Variants in SH3PXD2B observed in about 807,000 individuals in gnomAD.
The protein encoded by SH3PXD2B is SH3 and PX domains 2B.
Under a neutral mutation model 73.1 loss-of-function variants are expected in SH3PXD2B, and 37 were observed. The observed-to-expected ratio is 0.51, with a 90% CI of 0.39 to 0.67. SH3PXD2B has a LOEUF of 0.67. Ranked by LOEUF, SH3PXD2B falls within the 30% of genes least tolerant of loss-of-function variation. The pLI, the probability that SH3PXD2B is intolerant of heterozygous loss-of-function variation, is 0.00. For synonymous variants in SH3PXD2B, 457 were observed against 480.5 expected (o/e 0.95, Z 0.64); for missense variants, 1,053 against 1,197.8 (o/e 0.88, Z 1.78).
In SH3PXD2B at chr5:172,353,851, A is replaced by G. The variant is rs750994115; in HGVS notation, c.785+37T>C. ...CCCAAACCCACCCAGCGTGACCCCA[A>G]ACCCACCCAGCAACCGTGGGGGGCA... On this transcript the variant is annotated intron_variant, in intron 9 of 12. Transcript: ENST00000311601. The surrounding 1 kb of genome is among the most constrained non-coding windows in gnomAD (Gnocchi z 4.3). 1 of 1,582,884 alleles carries G rather than the reference A, an allele frequency of 6.3e-7. No individual in the cohort carries two copies. The highest frequency in any genetic ancestry group is 2.2e-5 in the East Asian group (1 of 44,730).
chr5:172,380,619 C>T lies in SH3PXD2B; in HGVS notation c.401+1417G>A, dbSNP rs555059276. ...CTAAGAACAAAAACATTAGCCAGCA[C>T]GAGCGAAACACCCCAAATTATCAGA... On this transcript the variant is annotated intron_variant, in intron 5 of 12. Coordinates refer to ENST00000311601, the MANE Select transcript of SH3PXD2B (RefSeq NM_001017995.3). 6.6e-5 allele frequency among the ~76,000 whole-genome samples: 10 copies of T among 152,308 alleles called. No homozygotes were observed. In the South Asian group the frequency reaches 8.3e-4, roughly 13 times the overall value.
chr5:172,392,402 C>A (rs1758211126), intron 4 of SH3PXD2B, among the ~76,000 whole-genome samples: 1 of 152,140 alleles, frequency 6.6e-6, no homozygotes. Context: ...TGTAAGCCAA[C>A]CAGTTTGTGG....
At chr5:172,386,707 G>A (rs892966423) in intron 4 of SH3PXD2B, among the ~76,000 whole-genome samples, 7 of 152,200 alleles carry the variant, frequency 4.6e-5, no homozygotes, top group African/African-American at 1.7e-4. Flanking sequence ...TCAGCTCACT[G>A]CAGTCTCCAC....
rs1756710265 is a variant in SH3PXD2B, at chr5:172,336,929, T to C, written c.*1440A>G. On this transcript the variant is annotated 3_prime_UTR_variant, in exon 13 of 13. Transcript: ENST00000311601. Reference sequence around the variant, plus strand: ...CAGTGCGTGAAAAAAGAAAAAAACATTACAAATGCCGGAGAGGCACAGGAA... The same window carrying C: ...CAGTGCGTGAAAAAAGAAAAAAACACTACAAATGCCGGAGAGGCACAGGAA... 5 of 985,496 alleles carry C rather than the reference T, an allele frequency of 5.1e-6. No homozygotes were observed. The South Asian group carries it at 1.9e-4, about 37-fold the overall frequency. 61.0% of individuals were successfully genotyped at this position (985,496 alleles called of 1,614,324 possible).
intron 6 of SH3PXD2B, among the ~76,000 whole-genome samples, chr5:172,365,667 T>A (rs1757503262): frequency 6.6e-6 from 1 of 152,226 alleles, no homozygotes; most frequent in Admixed American, 6.5e-5. Context: ...ACGTGAGCAG[T>A]GGCCTGAGAG....
At chr5:172,392,323 A>G (rs184764989) in intron 4 of SH3PXD2B, among the ~76,000 whole-genome samples, 43 of 152,344 alleles carry the variant, frequency 2.8e-4, no homozygotes, top group Middle Eastern at 3.4e-3. Context: ...CTATAAACCA[A>G]TGAGAGAGGT....
At chr5:172,341,331 A>G (rs1756843853) in intron 12 of SH3PXD2B, among the ~76,000 whole-genome samples, 1 of 152,060 alleles carries the variant, frequency 6.6e-6, no homozygotes, top group African/African-American at 2.4e-5. Context: ...TGTGATCCCC[A>G]ATGATGGAGG....
chr5:172,390,921 A>C lies in SH3PXD2B; in HGVS notation c.309+3642T>G, dbSNP rs191087650. 4.7e-4 allele frequency among the ~76,000 whole-genome samples: 71 copies of C among 149,902 alleles called. No individual in the cohort carries two copies. The East Asian group carries it at 0.013, about 28-fold the overall frequency. On this transcript the variant is annotated intron_variant, in intron 4 of 12. Transcript: ENST00000311601. ...CAATGACACGATCTCGGCTCACCGCAATCTCCACTTCCCGGGTTCAAGCGA... is the reference window on the plus strand; with the variant it reads ...CAATGACACGATCTCGGCTCACCGCCATCTCCACTTCCCGGGTTCAAGCGA...
downstream of SH3PXD2B, among the ~76,000 whole-genome samples, chr5:172,330,961 A>G (rs1317568504): frequency 1.3e-5 from 2 of 152,330 alleles, no homozygotes; most frequent in East Asian, 3.9e-4. Flanking sequence ...TTGGGAGGCC[A>G]AGGTGGGTGG....
At chr5:172,395,095 A>AC (rs1483375976) in intron 3 of SH3PXD2B, among the ~76,000 whole-genome samples, 1 of 150,946 alleles carries the variant, frequency 6.6e-6, no homozygotes, top group African/African-American at 2.4e-5. Flanking sequence ...TGTTCCCTAA[A>AC]CCCCCGTGCT....
intron 11 of SH3PXD2B, among the ~76,000 whole-genome samples, chr5:172,346,776 T>G (rs149109596): frequency 0.013 from 1,923 of 151,720 alleles, 15 homozygotes; most frequent in Middle Eastern, 0.024. Context: ...ATAGCAGACA[T>G]TAAAAAAATA....
At chr5:172,371,670 A>G (rs1039148637) in intron 6 of SH3PXD2B, among the ~76,000 whole-genome samples, 6 of 152,232 alleles carry the variant, frequency 3.9e-5, no homozygotes, top group African/African-American at 1.4e-4. Flanking sequence ...ACGTAACAGC[A>G]GTCACCACAA....
At chr5:172,383,536 T>C (rs997943388) in intron 4 of SH3PXD2B, among the ~76,000 whole-genome samples, 1 of 152,222 alleles carries the variant, frequency 6.6e-6, no homozygotes, top group African/African-American at 2.4e-5. Context: ...AACAAATATT[T>C]ACTTAAGCCT....
chr5:172,330,551 A>G (rs1388745077), downstream of SH3PXD2B, among the ~76,000 whole-genome samples: 1 of 152,232 alleles, frequency 6.6e-6, no homozygotes, highest in Non-Finnish European at 1.5e-5. Flanking sequence ...ACTAGTATGT[A>G]AGAGGCTGAT....
chr5:172,380,081 G>C (rs1323837028), intron 5 of SH3PXD2B, among the ~76,000 whole-genome samples: 1 of 152,110 alleles, frequency 6.6e-6, no homozygotes, highest in African/African-American at 2.4e-5. Context: ...TTTTGAGACA[G>C]AGGCTCCCTC....
chr5:172,388,976 T>C (rs2113386873), intron 4 of SH3PXD2B, among the ~76,000 whole-genome samples: 1 of 152,302 alleles, frequency 6.6e-6, no homozygotes, highest in East Asian at 1.9e-4. Flanking sequence ...ATCAGGTACT[T>C]AGAAGACAGA....
At chr5:172,376,562 C>T (rs962172184) in intron 5 of SH3PXD2B, among the ~76,000 whole-genome samples, 2 of 152,166 alleles carry the variant, frequency 1.3e-5, no homozygotes, top group African/African-American at 4.8e-5. Context: ...GGGAGCCAAG[C>T]CCAAGAGCAG....
At position 172,422,400 on chromosome 5, in the gene SH3PXD2B, G is replaced by A; in HGVS notation, c.156+16C>T. 6.3e-7 allele frequency: 1 copy of A among 1,599,814 alleles called. No homozygotes were observed. Among genetic ancestry groups the A allele is most frequent in the East Asian group, 2.2e-5 (1 of 44,650 alleles). On this transcript the variant is annotated intron_variant, in intron 2 of 12. Coordinates refer to ENST00000311601, the MANE Select transcript of SH3PXD2B (RefSeq NM_001017995.3). Reference sequence around the variant, plus strand: ...CTTTCCGATCCTGCAGCTCACCAGAGACCTCAAATCCTTACCTGGAGGTCA... The same window carrying A: ...CTTTCCGATCCTGCAGCTCACCAGAAACCTCAAATCCTTACCTGGAGGTCA...
rs761320683 is a variant in SH3PXD2B, at chr5:172,384,622, T to A, written c.310-2495A>T. Among the ~76,000 whole-genome samples the A allele has an allele frequency of 2.8e-4, 42 of 152,188 alleles. 1 individual carries two copies. The highest frequency in any genetic ancestry group is 7.3e-5 in the Non-Finnish European group (5 of 68,036). The stretch of plus-strand genomic sequence containing the variant: ...ATCATACAGTGTTTGTCTTTTTGAG[T>A]CTGGCTGATGTCATTTAGCATGCTC... On this transcript the variant is annotated intron_variant, in intron 4 of 12. Coordinates refer to ENST00000311601, the MANE Select transcript of SH3PXD2B (RefSeq NM_001017995.3).
Sources: gnomAD v4.1 joint callset for allele counts (sites outside exome capture counted in the v4.1 genomes callset) on GRCh38, gnomAD v4.1.1 for gene constraint, Gnocchi (gnomAD v3.1) non-coding constraint, MANE v1.5 for transcripts, NCBI Gene and HGNC (gene_info 2026-07-23, HGNC 2026-07-21) for gene names.